Variants in CAST observed in about 807,000 individuals in gnomAD.
CAST encodes MIR583 host.
In CAST, 76 loss-of-function variants were observed where a neutral mutation model predicts 119.6. The observed-to-expected ratio is 0.64, with a 90% CI of 0.53 to 0.77. The LOEUF is 0.77. Among genes scored for constraint, CAST ranks in the 30% least tolerant of loss-of-function variants. CAST has a pLI of 0.00. For synonymous variants in CAST, 319 were observed against 331.6 expected (o/e 0.96, Z 0.41); for missense variants, 953 against 946.5 (o/e 1.01, Z -0.09).
intron 1 of CAST, among the ~76,000 whole-genome samples, chr5:96,654,868 C>T (rs1429637369): frequency 1.3e-5 from 2 of 152,166 alleles, no homozygotes; most frequent in Non-Finnish European, 2.9e-5. Context: ...AAAGTTAAGA[C>T]TTTCCTTTTA....
intron 1 of CAST, among the ~76,000 whole-genome samples, chr5:96,645,384 A>G (rs866930744): frequency 6.6e-6 from 1 of 152,112 alleles, no homozygotes; most frequent in Non-Finnish European, 1.5e-5. Flanking sequence ...TTCCACTTCA[A>G]TGTTATTATT....
At chr5:96,194,771 C>G in the CAST span, among the ~76,000 whole-genome samples, 1 of 152,178 alleles carries the variant, frequency 6.6e-6, no homozygotes, top group Admixed American at 6.5e-5. Flanking sequence ...GTGACAATTT[C>G]CTCATATTGT....
chr5:96,588,608 A>G (rs1163949769), intron 1 of CAST, among the ~76,000 whole-genome samples: 2 of 152,160 alleles, frequency 1.3e-5, no homozygotes, highest in Non-Finnish European at 2.9e-5. Context: ...CTTTTTACCA[A>G]TTGGATGAAA....
chr5:95,998,444 G>C, the CAST span, among the ~76,000 whole-genome samples: 1 of 152,072 alleles, frequency 6.6e-6, no homozygotes, highest in Non-Finnish European at 1.5e-5. Context: ...TCCAGTGTCT[G>C]TTATTCCACT....
At chr5:96,129,562 G>T in the CAST span, among the ~76,000 whole-genome samples, 2 of 152,098 alleles carry the variant, frequency 1.3e-5, no homozygotes, top group Admixed American at 1.3e-4. Flanking sequence ...TTATTGAGAA[G>T]AAATTGTTCA....
At chr5:96,103,397 T>A in the CAST span, among the ~76,000 whole-genome samples, 1 of 140,736 alleles carries the variant, frequency 7.1e-6, no homozygotes, top group Admixed American at 7.7e-5. Flanking sequence ...CCCCTTCCTG[T>A]GTCCATGTGT....
chr5:96,141,645 G>A, the CAST span, among the ~76,000 whole-genome samples: 2 of 152,128 alleles, frequency 1.3e-5, no homozygotes. Flanking sequence ...TATCTCTATT[G>A]CTATGTATAG....
the CAST span, chr5:96,391,040 A>G: frequency 6.6e-6 from 1 of 152,504 alleles, no homozygotes; most frequent in Non-Finnish European, 1.5e-5. Flanking sequence ...TTCCGGGCCA[A>G]TCTAAGAATT....
the CAST span, among the ~76,000 whole-genome samples, chr5:96,388,519 T>A: frequency 6.6e-6 from 1 of 152,138 alleles, no homozygotes; most frequent in East Asian, 1.9e-4. Context: ...TGCATCACAT[T>A]CATTAATATT....
intron 1 of CAST, among the ~76,000 whole-genome samples, chr5:96,571,224 C>T (rs1405136014): frequency 6.6e-6 from 1 of 152,132 alleles, no homozygotes; most frequent in African/African-American, 2.4e-5. Flanking sequence ...CTCTTCACTT[C>T]CGTAGAGATA....
At chr5:96,477,390 CCTAA>C in the CAST span, among the ~76,000 whole-genome samples, 2 of 152,008 alleles carry the variant, frequency 1.3e-5, no homozygotes, top group African/African-American at 4.8e-5. Flanking sequence ...CTTTTATTTT[CCTAA>C]CTGAGCCATC....
the CAST span, among the ~76,000 whole-genome samples, chr5:96,253,397 G>A: frequency 6.6e-6 from 1 of 152,108 alleles, no homozygotes; most frequent in South Asian, 2.1e-4. Context: ...AATCTCTGGG[G>A]GTGGGACCCA....
At chr5:96,412,216 A>G in the CAST span, 5,108 of 1,034,700 alleles carry the variant, frequency 4.9e-3, 176 homozygotes, top group African/African-American at 0.072. Context: ...TTGTTAAGAA[A>G]TCCACAACAA....
chr5:96,473,345 A>C, the CAST span, among the ~76,000 whole-genome samples: 1 of 152,246 alleles, frequency 6.6e-6, no homozygotes, highest in African/African-American at 2.4e-5. Flanking sequence ...AGGAGCTCCT[A>C]ATCAGATTGC....
At chr5:96,726,945 GTC>G in intron 5 of CAST, 86 bp downstream of exon 5, 1 of 924,728 alleles carries the variant, frequency 1.1e-6, no homozygotes, top group Non-Finnish European at 1.7e-6. Flanking sequence ...GCAATTCACA[GTC>G]TTCTGTTAAC....
chr5:96,481,413 TA>T, the CAST span, among the ~76,000 whole-genome samples: 146 of 152,344 alleles, frequency 9.6e-4, no homozygotes, highest in African/African-American at 2.9e-3. Context: ...AAGCTAATTT[TA>T]AAATTCATTA....
the CAST span, among the ~76,000 whole-genome samples, chr5:96,513,838 G>T: frequency 6.6e-6 from 1 of 152,200 alleles, no homozygotes; most frequent in African/African-American, 2.4e-5. Context: ...CCGTCCTAGA[G>T]GTTAGAAGCC....
At chr5:96,062,640 T>A in the CAST span, among the ~76,000 whole-genome samples, 4 of 151,776 alleles carry the variant, frequency 2.6e-5, no homozygotes, top group African/African-American at 7.3e-5. Flanking sequence ...AGAACAGCAG[T>A]GAAAAGAAGG....
chr5:96,590,368 G>A (rs932019879), intron 1 of CAST, among the ~76,000 whole-genome samples: 2 of 152,216 alleles, frequency 1.3e-5, no homozygotes, highest in Non-Finnish European at 2.9e-5. Context: ...GTTTTCCAAT[G>A]TATGTGCTAG....
Sources: allele counts gnomAD v4.1 joint callset (sites outside exome capture counted in the v4.1 genomes callset), GRCh38; gene constraint gnomAD v4.1.1; transcripts MANE v1.5; gene names NCBI Gene and HGNC (gene_info 2026-07-23, HGNC 2026-07-21).